Variants in SOX6 observed in about 807,000 individuals in gnomAD.
The protein encoded by SOX6 is SRY-box transcription factor 6, also known as transcription factor SOX-6.
Under a neutral mutation model 97.8 loss-of-function variants are expected in SOX6, and 11 were observed. That is an observed-to-expected ratio of 0.11 (90% CI 0.07 to 0.19). The LOEUF is 0.19. SOX6 is among the 10% of genes least tolerant of loss of function. The pLI is 1.00. For synonymous variants in SOX6, 360 were observed against 371.4 expected, an observed-to-expected ratio of 0.97 and a Z score of 0.35; for missense variants, 810 against 1,039.5, an observed-to-expected ratio of 0.78 and a Z score of 3.04.
intron 4 of SOX6, among the ~76,000 whole-genome samples, chr11:16,218,593 G>C (rs1338557351): frequency 6.6e-6 from 1 of 151,982 alleles, no homozygotes; most frequent in Non-Finnish European, 1.5e-5. Flanking sequence ...AATGTTAATA[G>C]GAATGTAACT....
At chr11:16,439,571 T>TA (rs1565146467) in intron 1 of SOX6, among the ~76,000 whole-genome samples, 1 of 152,304 alleles carries the variant, frequency 6.6e-6, no homozygotes, top group East Asian at 1.9e-4. Flanking sequence ...GAATGAATAA[T>TA]AAATTACACA....
At chr11:16,248,295 T>TG (rs34529810) in intron 3 of SOX6, among the ~76,000 whole-genome samples, 118,163 of 151,940 alleles carry the variant, frequency 0.78, 46,103 homozygotes, top group Non-Finnish European at 0.8. Context: ...TCTACCATTT[T>TG]GGGTCTGGAG....
chr11:16,488,930 A>C (rs1011718478), intron 4 of SOX6, among the ~76,000 whole-genome samples: 2 of 152,182 alleles, frequency 1.3e-5, no homozygotes, highest in Non-Finnish European at 2.9e-5. Context: ...AAACAGACAT[A>C]CAACTCACTT....
chr11:16,224,761 C>A (rs1473403098), intron 4 of SOX6, among the ~76,000 whole-genome samples: 1 of 151,988 alleles, frequency 6.6e-6, no homozygotes, highest in Non-Finnish European at 1.5e-5. Context: ...GCAATAATTA[C>A]TCACTATTGA....
At chr11:16,731,068 T>C (rs1319610305) in intron 2 of SOX6, among the ~76,000 whole-genome samples, 3 of 152,136 alleles carry the variant, frequency 2.0e-5, no homozygotes, top group African/African-American at 4.8e-5. Context: ...AATCCCTGAA[T>C]AGATCAATAA....
intron 6 of SOX6, among the ~76,000 whole-genome samples, chr11:16,183,536 G>A (rs546744300): frequency 1.3e-5 from 2 of 151,926 alleles, no homozygotes; most frequent in Admixed American, 6.6e-5. Flanking sequence ...TCTCTCTACA[G>A]TACTATTACA....
At chr11:16,236,765 A>AT in intron 3 of SOX6, among the ~76,000 whole-genome samples, 1 of 152,010 alleles carries the variant, frequency 6.6e-6, no homozygotes, top group East Asian at 1.9e-4. Flanking sequence ...GAAATCTTTT[A>AT]GAGCTCCAAG....
intron 3 of SOX6, among the ~76,000 whole-genome samples, chr11:16,274,836 A>G (rs1311100352): frequency 6.6e-6 from 1 of 152,164 alleles, no homozygotes; most frequent in East Asian, 1.9e-4. Context: ...TAAATAAATT[A>G]TTAGGCCTTT....
At chr11:15,973,141 C>A in intron 15 of SOX6, 29 bp from the exon 16 acceptor site, 5 of 1,610,052 alleles carry the variant, frequency 3.1e-6, no homozygotes, top group Non-Finnish European at 3.4e-6. Flanking sequence ...CAAAATCAGA[C>A]AAGGGAGAAA....
Position 16,368,580 on chromosome 11 carries a change from C to T in SOX6, c.-4-27328G>A, listed in dbSNP as rs1196436445. ...CCTATTTAAAAAATGAAGTTTAACC[C>T]TTATCTTATGCTTATTTTTAAAATT... On this transcript the variant is annotated intron_variant, in intron 1 of 15. Transcript: ENST00000396356. Among the ~76,000 whole-genome samples the T allele has an allele frequency of 3.3e-5, 5 of 152,052 alleles. No individual in the cohort carries two copies. The South Asian group carries it at 8.3e-4, about 25-fold the overall frequency.
chr11:16,041,659 G>T (rs1855670300), intron 12 of SOX6, among the ~76,000 whole-genome samples: 2 of 152,082 alleles, frequency 1.3e-5, no homozygotes, highest in South Asian at 4.1e-4. Flanking sequence ...TTAAAATTCT[G>T]CTTTTGTGGA....
intron 3 of SOX6, among the ~76,000 whole-genome samples, chr11:16,264,027 T>A (rs1431350556): frequency 6.6e-6 from 1 of 151,960 alleles, no homozygotes; most frequent in Non-Finnish European, 1.5e-5. Context: ...TACAGTTAAA[T>A]CCCTTTGTCT....
At chr11:16,414,866 T>G (rs1858895131) in intron 1 of SOX6, among the ~76,000 whole-genome samples, 1 of 152,148 alleles carries the variant, frequency 6.6e-6, no homozygotes, top group Admixed American at 6.5e-5. Flanking sequence ...TACAGAATTT[T>G]GGATGAGAGG....
At chr11:16,150,138 G>T (rs1487759490) in intron 6 of SOX6, among the ~76,000 whole-genome samples, 1 of 152,174 alleles carries the variant, frequency 6.6e-6, no homozygotes, top group Non-Finnish European at 1.5e-5. Context: ...CAAAATCAGT[G>T]TGTGGATGCT....
At chr11:16,132,401 A>AGAAAGAG (rs34012369) in intron 6 of SOX6, among the ~76,000 whole-genome samples, 1 of 43,836 alleles carries the variant, frequency 2.3e-5, no homozygotes, top group Non-Finnish European at 4.1e-5. Flanking sequence ...AAAGAAAGAA[A>AGAAAGAG]AAAGAAAGAA....
At chr11:16,706,437 G>A (rs1244713177) in intron 3 of SOX6, among the ~76,000 whole-genome samples, 1 of 86,066 alleles carries the variant, frequency 1.2e-5, no homozygotes, top group Non-Finnish European at 2.1e-5. Flanking sequence ...GTGAAAGAGT[G>A]AGAACCTATC....
chr11:16,106,153 A>G (rs1268903104), intron 7 of SOX6, among the ~76,000 whole-genome samples: 3 of 152,144 alleles, frequency 2.0e-5, no homozygotes, highest in Non-Finnish European at 4.4e-5. Context: ...AGTCAAAGCA[A>G]TCCCTATCAA....
chr11:16,045,223 G>GTCCCCTCAGAATCCCTTATCTTGAA (rs1480050552), intron 12 of SOX6, among the ~76,000 whole-genome samples: 24 of 152,054 alleles, frequency 1.6e-4, no homozygotes, highest in Non-Finnish European at 4.4e-5. Flanking sequence ...TAATTTTTGT[G>GTCCCCTCAGAATCCCTTATCTTGAA]TCCCCTCAGA....
At chr11:16,190,638 G>T (rs963030516) in intron 4 of SOX6, among the ~76,000 whole-genome samples, 2 of 152,142 alleles carry the variant, frequency 1.3e-5, no homozygotes, top group African/African-American at 4.8e-5. Flanking sequence ...TAAAAATGAA[G>T]TTGGAGTGAA....
Sources: allele counts gnomAD v4.1 joint callset (sites outside exome capture counted in the v4.1 genomes callset), GRCh38; gene constraint gnomAD v4.1.1; transcripts MANE v1.5; gene names NCBI Gene and HGNC (gene_info 2026-07-23, HGNC 2026-07-21).